Variants in MITF observed in about 807,000 individuals in gnomAD.
The protein encoded by MITF is melanocyte inducing transcription factor.
In MITF, 17 loss-of-function variants were observed where a neutral mutation model predicts 60.5. That is an observed-to-expected ratio of 0.28 (90% CI 0.19 to 0.42). MITF has a LOEUF of 0.42. MITF is among the 10% of genes least tolerant of loss of function. The pLI, the probability that MITF is intolerant of heterozygous loss-of-function variation, is 1.00. For missense variants in MITF, 622 were observed against 683.5 expected (o/e 0.91, Z 1.00); for synonymous variants, 260 against 248.5 (o/e 1.05, Z -0.43).
intron 2 of MITF, among the ~76,000 whole-genome samples, chr3:69,917,065 G>A (rs1417025756): frequency 6.6e-6 from 1 of 152,142 alleles, no homozygotes; most frequent in African/African-American, 2.4e-5. Context: ...ATGATGGGCA[G>A]CATATTAAGT....
In MITF at chr3:69,878,954, T is replaced by C. The variant is rs1051406896; in HGVS notation, c.105-180T>C. On this transcript the variant is annotated intron_variant, in intron 1 of 9. Coordinates refer to ENST00000352241, the MANE Select transcript of MITF (RefSeq NM_001354604.2). The stretch of plus-strand genomic sequence containing the variant: ...TCAAGCTGACTTATTTTAATTCAAC[T>C]ACTAATGACTTAAATCCTGTCACCT... 2.1e-5 allele frequency: 13 copies of C among 611,640 alleles called. No homozygotes were observed. The African/African-American group carries it at 2.4e-4, about 11-fold the overall frequency. The allele number at this position is 611,640 out of a possible 1,614,324, so 37.9% of individuals were successfully genotyped here. A position where few individuals can be genotyped will look rare whatever the true frequency, so the allele number is the denominator to read the frequency against.
intron 7 of MITF, among the ~76,000 whole-genome samples, chr3:69,952,749 A>G (rs1243380764): frequency 6.6e-6 from 1 of 152,172 alleles, no homozygotes; most frequent in Non-Finnish European, 1.5e-5. Flanking sequence ...AAAATAAATC[A>G]TATGGATTTC....
intron 1 of MITF, among the ~76,000 whole-genome samples, chr3:69,801,758 A>G (rs778393321): frequency 2.6e-5 from 4 of 152,202 alleles, no homozygotes; most frequent in Non-Finnish European, 5.9e-5. Context: ...CTACTGGGTG[A>G]CAAACTGCAT....
At chr3:69,910,553 C>A (rs576989580) in intron 2 of MITF, among the ~76,000 whole-genome samples, 1 of 152,318 alleles carries the variant, frequency 6.6e-6, no homozygotes, top group African/African-American at 2.4e-5. Flanking sequence ...GAGGGAGGCT[C>A]TACCCTGCAA....
At chr3:69,866,949 G>A (rs1034949078) in intron 1 of MITF, among the ~76,000 whole-genome samples, 1 of 151,166 alleles carries the variant, frequency 6.6e-6, no homozygotes, top group Non-Finnish European at 1.5e-5. Context: ...CCAAACATCA[G>A]AATTGTCTGC....
chr3:69,799,335 G>C (rs1459875247), intron 1 of MITF, among the ~76,000 whole-genome samples: 1 of 152,170 alleles, frequency 6.6e-6, no homozygotes, highest in African/African-American at 2.4e-5. Context: ...AGCTGAGCAG[G>C]AAATAGTTGT....
At chr3:69,946,741 AATG>A (rs748495223) in intron 5 of MITF, among the ~76,000 whole-genome samples, 22 of 152,168 alleles carry the variant, frequency 1.4e-4, no homozygotes, top group Non-Finnish European at 3.1e-4. Flanking sequence ...AACTGGAAGT[AATG>A]ATGTCTGATC....
chr3:69,938,418 G>A (rs2107481587), intron 3 of MITF: 1 of 1,548,064 alleles, frequency 6.5e-7, no homozygotes, highest in Non-Finnish European at 8.7e-7. Context: ...AAAAATAGAA[G>A]AGGTGTGGGA....
At chr3:69,830,742 G>C (rs1321775233) in intron 1 of MITF, among the ~76,000 whole-genome samples, 2 of 152,122 alleles carry the variant, frequency 1.3e-5, no homozygotes, top group Non-Finnish European at 2.9e-5. Context: ...TATGATATCT[G>C]TCTCTCCCTT....
At chr3:69,840,399 G>A (rs1434494749) in intron 1 of MITF, among the ~76,000 whole-genome samples, 1 of 152,134 alleles carries the variant, frequency 6.6e-6, no homozygotes, top group African/African-American at 2.4e-5. Context: ...AGTCTTGATG[G>A]AAGGCTCAGC....
Position 69,836,327 on chromosome 3 carries a change from C to T in MITF, c.105-42807C>T, listed in dbSNP as rs551117483. ...GATTTTTTAATGTTGATTTTTGTAT[C>T]CTGCAACATTATTGAGCAAATAATA... On this transcript the variant is annotated intron_variant, in intron 1 of 9. Coordinates refer to ENST00000352241, the MANE Select transcript of MITF (RefSeq NM_001354604.2). Among the ~76,000 whole-genome samples the T allele has an allele frequency of 3.9e-5, 6 of 152,142 alleles. No individual in the cohort carries two copies. The East Asian group carries it at 1.2e-3, about 29-fold the overall frequency.
rs527506631 is a variant in MITF, at chr3:69,833,766, A to T, written c.105-45368A>T. Among the ~76,000 whole-genome samples the T allele has an allele frequency of 2.9e-4, 44 of 152,140 alleles. 1 individual carries two copies. In the South Asian group the frequency reaches 8.5e-3, roughly 29 times the overall value. ...TTACACTATATGTGATGGTTTTTCT[A>T]TGTACACTGTATGTGGTTGCTTCCC... is the stretch of plus-strand genomic sequence containing the variant. On this transcript the variant is annotated intron_variant, in intron 1 of 9. Coordinates refer to ENST00000352241, the MANE Select transcript of MITF (RefSeq NM_001354604.2).
chr3:69,833,716 ACACTGTATGTG>A (rs2063492833), intron 1 of MITF, among the ~76,000 whole-genome samples: 3 of 144,622 alleles, frequency 2.1e-5, no homozygotes, highest in Admixed American at 6.9e-5. Flanking sequence ...TTCTCTGTTT[ACACTGTATGTG>A]CTTTTTTCTC....
intron 9 of MITF, among the ~76,000 whole-genome samples, chr3:69,961,001 A>G (rs1281229551): frequency 6.6e-6 from 1 of 152,086 alleles, no homozygotes; most frequent in East Asian, 1.9e-4. Flanking sequence ...CCCCTCCTCT[A>G]CTTTGGCTTT....
At chr3:69,761,274 T>G (rs558247399) in intron 1 of MITF, among the ~76,000 whole-genome samples, 5 of 152,200 alleles carry the variant, frequency 3.3e-5, no homozygotes, top group Admixed American at 2.0e-4. Context: ...GTAAGGCACT[T>G]ACTATCTACC....
At chr3:69,763,748 T>C in intron 1 of MITF, 1 of 1,356,608 alleles carries the variant, frequency 7.4e-7, no homozygotes. Flanking sequence ...TTTGGTGTGA[T>C]TGTCCTCTCC....
chr3:69,960,998 T>C (rs1224439739), intron 9 of MITF, among the ~76,000 whole-genome samples: 1 of 152,186 alleles, frequency 6.6e-6, no homozygotes, highest in Non-Finnish European at 1.5e-5. Context: ...CCTCCCCTCC[T>C]CTACTTTGGC....
At chr3:69,843,731 T>C (rs751790942) in intron 1 of MITF, among the ~76,000 whole-genome samples, 1 of 152,174 alleles carries the variant, frequency 6.6e-6, no homozygotes, top group Non-Finnish European at 1.5e-5. Flanking sequence ...CTTTGACCCA[T>C]ACCGTTTTTG....
chr3:69,825,699 A>T (rs1478732983), intron 1 of MITF, among the ~76,000 whole-genome samples: 1 of 152,180 alleles, frequency 6.6e-6, no homozygotes, highest in Non-Finnish European at 1.5e-5. Flanking sequence ...GCGGAAGTAA[A>T]AGAAAAACCA....
Sources: allele counts gnomAD v4.1 joint callset (sites outside exome capture counted in the v4.1 genomes callset), GRCh38; gene constraint gnomAD v4.1.1; transcripts MANE v1.5; gene names NCBI Gene and HGNC (gene_info 2026-07-23, HGNC 2026-07-21).